Variants in INPP5A observed in about 807,000 individuals in gnomAD.
The protein encoded by INPP5A is inositol polyphosphate-5-phosphatase A.
Under a neutral mutation model 65.2 loss-of-function variants are expected in INPP5A, and 14 were observed. That is an observed-to-expected ratio of 0.21 (90% CI 0.14 to 0.34). INPP5A has a LOEUF of 0.34. Ranked by LOEUF, INPP5A falls within the 10% of genes least tolerant of loss-of-function variation. INPP5A has a pLI of 1.00. For missense variants in INPP5A, 431 were observed against 545.6 expected (o/e 0.79, Z 2.09); for synonymous variants, 207 against 208.3 (o/e 0.99, Z 0.05).
Position 132,706,267 on chromosome 10 carries a change from A to G in INPP5A, c.475-2046A>G, listed in dbSNP as rs1845536504. On this transcript the variant is annotated intron_variant, in intron 6 of 15. Transcript: ENST00000368594. This position sits in a 1 kb window ranked among gnomAD's most constrained non-coding sequence, Gnocchi z 4.7. Reference sequence around the variant, plus strand: ...TAGAAAGGAGCAGTTAAAAGACATAAAGACTATTAAGAGGCTCAAATAAAC... The same window carrying G: ...TAGAAAGGAGCAGTTAAAAGACATAGAGACTATTAAGAGGCTCAAATAAAC... Among the ~76,000 whole-genome samples the G allele has an allele frequency of 6.6e-6, 1 of 152,244 alleles. No homozygotes were observed. The highest frequency in any genetic ancestry group is 2.1e-4 in the South Asian group (1 of 4,836).
At chr10:132,592,267 A>T (rs1399923094) in intron 1 of INPP5A, among the ~76,000 whole-genome samples, 1 of 152,268 alleles carries the variant, frequency 6.6e-6, no homozygotes, top group Admixed American at 6.5e-5. Flanking sequence ...GGTTGACTGC[A>T]TAGTAGTGTG....
At chr10:132,696,833 CACCACAGCACCCAGGGCTGGGCCAG>C (rs1845352448) in intron 5 of INPP5A, among the ~76,000 whole-genome samples, 1 of 152,030 alleles carries the variant, frequency 6.6e-6, no homozygotes, top group African/African-American at 2.4e-5. Context: ...GGCCGGGCCA[CACCACAGCACCCAGGGCTGGGCCAG>C]ACCACAGCAC....
Position 132,726,826 on chromosome 10 carries a change from T to C in INPP5A, c.653T>C (p.Ile218Thr). Residue 218 changes from isoleucine (I) to threonine (T), a missense_variant, in exon 9 of 16, where the codon ATT (isoleucine) becomes ACT (threonine). Coordinates refer to ENST00000368594, the MANE Select transcript of INPP5A (RefSeq NM_005539.5). ...KALGYVLDRI[I>T]DQRFEKVSYF... ...AGTCCTCTTTTTCTTTCCAGAATCATTGATCAGCGATTCGAGAAGGTTTCC... is the reference window on the plus strand; with the variant it reads ...AGTCCTCTTTTTCTTTCCAGAATCACTGATCAGCGATTCGAGAAGGTTTCC... The C allele has an allele frequency of 6.3e-7, 1 of 1,599,100 alleles. No homozygotes were observed. The highest frequency in any genetic ancestry group is 8.6e-7 in the Non-Finnish European group (1 of 1,169,350).
chr10:132,737,971 T>C (rs1846207053), intron 9 of INPP5A, among the ~76,000 whole-genome samples: 1 of 152,160 alleles, frequency 6.6e-6, no homozygotes, highest in Non-Finnish European at 1.5e-5. Flanking sequence ...TTTCAACTGG[T>C]ATATTGATGC....
intron 1 of INPP5A, among the ~76,000 whole-genome samples, chr10:132,572,261 C>T (rs375570730): frequency 8.5e-5 from 13 of 152,346 alleles, no homozygotes; most frequent in East Asian, 3.9e-4. Context: ...AGAAGAATGT[C>T]GGAGTTTCTC....
At chr10:132,539,309 C>T (rs767977532) in intron 1 of INPP5A, among the ~76,000 whole-genome samples, 2 of 152,182 alleles carry the variant, frequency 1.3e-5, no homozygotes, top group Non-Finnish European at 2.9e-5. Context: ...CACTTAGTAT[C>T]TCTTTAGTTC....
At chr10:132,671,846 T>A (rs1275312644) in intron 4 of INPP5A, among the ~76,000 whole-genome samples, 1 of 152,090 alleles carries the variant, frequency 6.6e-6, no homozygotes, top group African/African-American at 2.4e-5. Context: ...CAATGTGGGA[T>A]TTGAACTTGG....
At chr10:132,596,836 CGTGTGTGCATGCGT>C (rs2071697383) in intron 1 of INPP5A, among the ~76,000 whole-genome samples, 1 of 141,146 alleles carries the variant, frequency 7.1e-6, no homozygotes, top group East Asian at 2.4e-4. Flanking sequence ...TGCTTGTGTG[CGTGTGTGCATGCGT>C]GTGTGTGCAT....
rs1049795576 is a variant in INPP5A at position 132,698,014 on chromosome 10, C to A, written c.474+95C>A. 4 of 763,630 alleles carry A rather than the reference C, an allele frequency of 5.2e-6. No homozygotes were observed. In the East Asian group the frequency reaches 1.1e-4, roughly 20 times the overall value. 47.3% of individuals were successfully genotyped at this position (763,630 alleles called of 1,614,324 possible). Reference sequence around the variant, plus strand: ...ACGGAATTTTCGCATTGCACTGTTACTAGTCACAGCTGCCTGTTGTTACCT... The same window carrying A: ...ACGGAATTTTCGCATTGCACTGTTAATAGTCACAGCTGCCTGTTGTTACCT... On this transcript the variant is annotated intron_variant, in intron 6 of 15. Transcript: ENST00000368594. The surrounding 1 kb of genome is among the most constrained non-coding windows in gnomAD (Gnocchi z 5.5).
chr10:132,717,488 C>T (rs533851701), intron 8 of INPP5A, among the ~76,000 whole-genome samples: 4 of 151,642 alleles, frequency 2.6e-5, no homozygotes, highest in Admixed American at 6.5e-5. Flanking sequence ...CAGAACATCC[C>T]GCCATCTGCC....
chr10:132,658,759 G>A (rs1463573611), intron 4 of INPP5A, among the ~76,000 whole-genome samples: 1 of 151,958 alleles, frequency 6.6e-6, no homozygotes, highest in African/African-American at 2.4e-5. Flanking sequence ...TGTCTCTTGA[G>A]AAGCTTTCCT....
chr10:132,697,887 AAGG>A lies in INPP5A; in HGVS notation c.445_447del (p.Glu149del). 1.2e-6 allele frequency: 2 copies of A among 1,613,814 alleles called. No individual in the cohort carries two copies. The highest frequency in any genetic ancestry group is 1.7e-6 in the Non-Finnish European group (2 of 1,179,760). On this transcript the variant is annotated inframe_deletion, in exon 6 of 16. Coordinates refer to ENST00000368594, the MANE Select transcript of INPP5A (RefSeq NM_005539.5). The surrounding 1 kb of genome is among the most constrained non-coding windows in gnomAD (Gnocchi z 5.6). ...CTTAGAGAGCACGCCCATGCTGGAG[AAGG>A]AGAAGTTTCCGCAGGACTACTTCCC...
chr10:132,666,447 G>A (rs2072803642), intron 4 of INPP5A, among the ~76,000 whole-genome samples: 1 of 152,170 alleles, frequency 6.6e-6, no homozygotes, highest in Non-Finnish European at 1.5e-5. Flanking sequence ...GTATGGAAAA[G>A]GTGGAATTTA....
At chr10:132,539,711 G>A (rs575767650) in intron 1 of INPP5A, among the ~76,000 whole-genome samples, 25 of 149,424 alleles carry the variant, frequency 1.7e-4, no homozygotes, top group Middle Eastern at 3.4e-3. Context: ...CTCCCTAGGT[G>A]AACAGTGGGG....
chr10:132,604,242 G>A (rs573265611), intron 1 of INPP5A, among the ~76,000 whole-genome samples: 95 of 145,484 alleles, frequency 6.5e-4, no homozygotes, highest in South Asian at 2.0e-3. Context: ...ATGCTGTCAC[G>A]GTCCCCTCTC....
chr10:132,766,603 ATGAG>A (rs1333845108), intron 12 of INPP5A, among the ~76,000 whole-genome samples: 2 of 152,182 alleles, frequency 1.3e-5, no homozygotes, highest in Admixed American at 6.5e-5. Flanking sequence ...ATATGTGAGC[ATGAG>A]TGAGAGCATG....
At chr10:132,737,547 C>T (rs896143221) in intron 9 of INPP5A, among the ~76,000 whole-genome samples, 5 of 152,246 alleles carry the variant, frequency 3.3e-5, no homozygotes, top group Non-Finnish European at 7.3e-5. Context: ...GGGCACTGCC[C>T]TCGCCACGTG....
rs113471132 is a variant in INPP5A at position 132,703,660 on chromosome 10, A to C, written c.475-4653A>C. Among the ~76,000 whole-genome samples, 262 of 54,948 alleles carry C rather than the reference A, an allele frequency of 4.8e-3. 2 individuals are homozygous for C. The highest frequency in any genetic ancestry group is 0.035 in the East Asian group (59 of 1,702). The allele number at this position is 54,948 out of a possible 152,430, so 36.0% of individuals were successfully genotyped here. On this transcript the variant is annotated intron_variant, in intron 6 of 15. Transcript: ENST00000368594. Reference sequence around the variant, plus strand: ...CGCACCTTCATCCCCGCACACCCCCACACACACACACGTGCAGCTTCACCC... The same window carrying C: ...CGCACCTTCATCCCCGCACACCCCCCCACACACACACGTGCAGCTTCACCC...
intron 1 of INPP5A, among the ~76,000 whole-genome samples, chr10:132,554,853 ATCAATG>A (rs1388031847): frequency 6.2e-5 from 7 of 112,792 alleles, no homozygotes; most frequent in Admixed American, 3.6e-4. Context: ...GGGTGGTGTG[ATCAATG>A]TGGGTGGTGT....
Sources: allele counts gnomAD v4.1 joint callset (sites outside exome capture counted in the v4.1 genomes callset), GRCh38; gene constraint gnomAD v4.1.1; non-coding constraint Gnocchi (gnomAD v3.1); transcripts MANE v1.5; gene names NCBI Gene and HGNC (gene_info 2026-07-23, HGNC 2026-07-21).